AFG2A: variants seen among roughly 807,000 people sequenced by gnomAD.
The protein encoded by AFG2A is AAA ATPase AFG2A, also known as ATPase family gene 2 protein homolog A.
the AFG2A span, among the ~76,000 whole-genome samples, chr4:122,992,823 A>G: frequency 1.3e-5 from 2 of 152,216 alleles, no homozygotes; most frequent in South Asian, 2.1e-4. Context: ...TTACAGTGAC[A>G]TTAAGGTCAA....
chr4:123,095,898 G>A, the AFG2A span, among the ~76,000 whole-genome samples: 1 of 152,126 alleles, frequency 6.6e-6, no homozygotes, highest in Non-Finnish European at 1.5e-5. Flanking sequence ...TTCCTGGACT[G>A]TCACAGGAGT....
At chr4:122,971,730 TA>T in the AFG2A span, among the ~76,000 whole-genome samples, 6,194 of 152,128 alleles carry the variant, frequency 0.041, 407 homozygotes, top group African/African-American at 0.14. Flanking sequence ...TCCTAGCTTT[TA>T]AAAAAATATA....
the AFG2A span, chr4:122,935,702 T>C: frequency 2.1e-5 from 33 of 1,561,044 alleles, no homozygotes; most frequent in Non-Finnish European, 2.7e-5. Flanking sequence ...TGTTTTCTAC[T>C]TTTTCTTCCA....
the AFG2A span, chr4:123,057,392 A>C: frequency 1.3e-5 from 16 of 1,262,402 alleles, no homozygotes; most frequent in Non-Finnish European, 1.5e-5. Flanking sequence ...TTATCTATTA[A>C]TACATTTGGC....
At chr4:123,138,402 ATTCT>A in the AFG2A span, among the ~76,000 whole-genome samples, 5 of 152,136 alleles carry the variant, frequency 3.3e-5, no homozygotes, top group Non-Finnish European at 5.9e-5. Flanking sequence ...AAATTTACAC[ATTCT>A]TTGAGTGTTC....
At chr4:122,945,951 G>C in the AFG2A span, among the ~76,000 whole-genome samples, 1 of 152,212 alleles carries the variant, frequency 6.6e-6, no homozygotes, top group African/African-American at 2.4e-5. Context: ...TGACTAACTG[G>C]TTCTCAGTCT....
the AFG2A span, among the ~76,000 whole-genome samples, chr4:122,945,212 TTTTG>T: frequency 6.6e-6 from 1 of 152,196 alleles, no homozygotes; most frequent in African/African-American, 2.4e-5. Flanking sequence ...ACTGCTGTCT[TTTTG>T]TTTGTCTGTG....
the AFG2A span, among the ~76,000 whole-genome samples, chr4:123,008,990 C>G: frequency 6.6e-6 from 1 of 152,124 alleles, no homozygotes; most frequent in Non-Finnish European, 1.5e-5. Context: ...TTGGGGTCCC[C>G]AAGACCACTC....
At chr4:123,293,149 A>G in the AFG2A span, among the ~76,000 whole-genome samples, 22 of 152,120 alleles carry the variant, frequency 1.4e-4, no homozygotes, top group African/African-American at 5.3e-4. Flanking sequence ...ACCTACCCCA[A>G]AGTGCTCCAG....
chr4:123,276,186 G>C, the AFG2A span, among the ~76,000 whole-genome samples: 2 of 152,118 alleles, frequency 1.3e-5, no homozygotes, highest in Admixed American at 6.5e-5. Context: ...ACTCTGACTG[G>C]TGTGAAATGG....
the AFG2A span, chr4:122,934,670 G>A: frequency 6.8e-6 from 11 of 1,608,088 alleles, no homozygotes; most frequent in Non-Finnish European, 9.3e-6. Flanking sequence ...GGATTAAGTA[G>A]CCAGCTGAAA....
chr4:123,090,433 C>A, the AFG2A span: 5 of 782,522 alleles, frequency 6.4e-6, no homozygotes, highest in East Asian at 2.8e-5. Context: ...TATGATAATG[C>A]AGTAAATAAA....
chr4:123,081,383 G>T, the AFG2A span, among the ~76,000 whole-genome samples: 1 of 152,152 alleles, frequency 6.6e-6, no homozygotes, highest in Non-Finnish European at 1.5e-5. Context: ...TTGGAATAAT[G>T]CAATATGTAG....
chr4:123,058,052 TATC>T, the AFG2A span, among the ~76,000 whole-genome samples: 1 of 152,194 alleles, frequency 6.6e-6, no homozygotes, highest in African/African-American at 2.4e-5. Context: ...ACATTGCTGT[TATC>T]ATCCTTCTTA....
chr4:123,187,997 CAAAA>C, the AFG2A span, among the ~76,000 whole-genome samples: 2 of 133,748 alleles, frequency 1.5e-5, no homozygotes, highest in Admixed American at 7.4e-5. Context: ...GGCCCTATCT[CAAAA>C]AAAAAAAAAA....
the AFG2A span, among the ~76,000 whole-genome samples, chr4:123,173,480 C>T: frequency 8.6e-3 from 1,294 of 150,414 alleles, 13 homozygotes; most frequent in Non-Finnish European, 0.013. Context: ...CTCAGCCTCC[C>T]GAGTAGCTGG....
At chr4:123,277,999 G>C in the AFG2A span, among the ~76,000 whole-genome samples, 4 of 152,142 alleles carry the variant, frequency 2.6e-5, no homozygotes, top group African/African-American at 9.7e-5. Flanking sequence ...GAACGAGTTG[G>C]AGAGGGATCC....
chr4:123,260,662 T>A, the AFG2A span, among the ~76,000 whole-genome samples: 3 of 152,214 alleles, frequency 2.0e-5, no homozygotes, highest in African/African-American at 7.2e-5. Flanking sequence ...TATCAGTCAT[T>A]GTATTAGAAT....
chr4:123,189,244 C>T, the AFG2A span, among the ~76,000 whole-genome samples: 1 of 152,116 alleles, frequency 6.6e-6, no homozygotes, highest in African/African-American at 2.4e-5. Flanking sequence ...TATTTCCCTG[C>T]CTTTTATAGG....
Sources: allele counts gnomAD v4.1 joint callset (sites outside exome capture counted in the v4.1 genomes callset), GRCh38; gene constraint gnomAD v4.1.1; transcripts MANE v1.5; gene names NCBI Gene and HGNC (gene_info 2026-07-23, HGNC 2026-07-21).